The following GALNT2 variants were observed in gnomAD, a reference collection of about 807,000 sequenced individuals.
GALNT2 encodes UDP-GalNAc:polypeptide N-acetylgalactosaminyltransferase 2.
GALNT2 carries 31 observed loss-of-function variants against 81.4 expected under a neutral mutation model. The observed-to-expected ratio is 0.38, with a 90% CI of 0.29 to 0.51. GALNT2 has a LOEUF of 0.51. Ranked by LOEUF, GALNT2 falls within the 20% of genes least tolerant of loss-of-function variation. The pLI is 0.87. For synonymous variants in GALNT2, 303 were observed against 287.4 expected (o/e 1.05, Z -0.55); for missense variants, 629 against 765.7 (o/e 0.82, Z 2.11).
intron 15 of GALNT2, among the ~76,000 whole-genome samples, chr1:230,277,109 C>A (rs1004408355): frequency 7.9e-5 from 12 of 152,182 alleles, no homozygotes; most frequent in Non-Finnish European, 1.5e-4. Context: ...CTTTGTGAAG[C>A]ATGAAAAGAC....
chr1:230,274,595 T>A, intron 15 of GALNT2, 31 bp downstream of exon 15: 1 of 1,612,500 alleles, frequency 6.2e-7, no homozygotes, highest in Non-Finnish European at 8.5e-7. Flanking sequence ...TGGGTGCCCG[T>A]GATTAACCCA....
chr1:230,085,392 T>C (rs1659868875), intron 1 of GALNT2, among the ~76,000 whole-genome samples: 1 of 152,198 alleles, frequency 6.6e-6, no homozygotes, highest in Non-Finnish European at 1.5e-5. Context: ...TTGGGTTAAA[T>C]GAAGGTTGCC....
chr1:230,068,209 G>A (rs998605267), intron 1 of GALNT2, among the ~76,000 whole-genome samples: 1 of 152,244 alleles, frequency 6.6e-6, no homozygotes, highest in African/African-American at 2.4e-5. Flanking sequence ...TGATCTGGCT[G>A]TGGGGACCGT....
chr1:230,129,427 C>T (rs1661297342), intron 1 of GALNT2, among the ~76,000 whole-genome samples: 1 of 152,152 alleles, frequency 6.6e-6, no homozygotes, highest in Admixed American at 6.5e-5. Context: ...AAGTGATCCT[C>T]CCTCCTCAGC....
At chr1:230,200,011 C>T (rs924698187) in intron 2 of GALNT2, among the ~76,000 whole-genome samples, 3 of 151,796 alleles carry the variant, frequency 2.0e-5, no homozygotes, top group Admixed American at 1.3e-4. Flanking sequence ...GAGCACTTAG[C>T]TCAGTTTTTA....
intron 7 of GALNT2, among the ~76,000 whole-genome samples, 185 bp from the exon 8 acceptor site, chr1:230,245,878 G>A (rs1171514973): frequency 1.3e-5 from 2 of 152,138 alleles, no homozygotes; most frequent in East Asian, 1.9e-4. Context: ...GCACATCTGT[G>A]GATGGCCAAG....
At chr1:230,241,147 C>G (rs891830215) in intron 6 of GALNT2, among the ~76,000 whole-genome samples, 5 of 152,190 alleles carry the variant, frequency 3.3e-5, no homozygotes, top group African/African-American at 1.2e-4. Context: ...TTTATAATAG[C>G]TGCTTTTAAA....
At chr1:230,236,314 TA>T (rs1371739397) in intron 4 of GALNT2, 38 bp from the exon 5 acceptor site, 1 of 1,597,938 alleles carries the variant, frequency 6.3e-7, no homozygotes, top group African/African-American at 1.3e-5. Context: ...TTTATACCCC[TA>T]AAAGACCTAT....
At chr1:230,216,088 G>GA (rs1664383195) in intron 3 of GALNT2, among the ~76,000 whole-genome samples, 2 of 152,126 alleles carry the variant, frequency 1.3e-5, no homozygotes, top group South Asian at 4.1e-4. Context: ...ATTAGACCAG[G>GA]AAAAATGGAG....
intron 1 of GALNT2, among the ~76,000 whole-genome samples, chr1:230,153,810 G>A (rs926883776): frequency 1.3e-5 from 2 of 152,238 alleles, no homozygotes; most frequent in African/African-American, 4.8e-5. Context: ...GGCCTCGGGG[G>A]CCCCTGGTTG....
At chr1:230,264,972 CAAAAAAAAAAAA>C (rs67239229) in intron 13 of GALNT2, 2 of 170,862 alleles carry the variant, frequency 1.2e-5, no homozygotes, top group East Asian at 8.0e-5. Context: ...CCTTCCTTTC[CAAAAAAAAAAAA>C]AAAAAAAAAT....
At chr1:230,165,567 G>A (rs933621973) in intron 1 of GALNT2, among the ~76,000 whole-genome samples, 6 of 152,208 alleles carry the variant, frequency 3.9e-5, no homozygotes, top group Admixed American at 1.3e-4. Context: ...GTTGCTTTCC[G>A]ATAAGGTTTA....
At chr1:230,148,277 A>G (rs1661985197) in intron 1 of GALNT2, among the ~76,000 whole-genome samples, 1 of 152,226 alleles carries the variant, frequency 6.6e-6, no homozygotes, top group Admixed American at 6.5e-5. Context: ...GCCCTGTGGC[A>G]CTGCGTTATT....
intron 1 of GALNT2, among the ~76,000 whole-genome samples, chr1:230,156,229 GAGAA>G (rs796806949): frequency 1.2e-4 from 17 of 141,548 alleles, no homozygotes; most frequent in South Asian, 7.1e-4. Context: ...GAGAGAGAGA[GAGAA>G]AGAGAGAGAG....
intron 1 of GALNT2, among the ~76,000 whole-genome samples, chr1:230,078,220 A>G (rs1659621932): frequency 6.6e-6 from 1 of 152,214 alleles, no homozygotes; most frequent in South Asian, 2.1e-4. Flanking sequence ...TGGTTATATT[A>G]TTAAAAATCC....
intron 6 of GALNT2, among the ~76,000 whole-genome samples, chr1:230,240,723 C>G (rs1216018516): frequency 6.6e-6 from 1 of 151,316 alleles, no homozygotes; most frequent in South Asian, 2.1e-4. Flanking sequence ...TTATATTTAT[C>G]CTGCTTCAAG....
upstream of GALNT2, among the ~76,000 whole-genome samples, chr1:230,057,812 G>A (rs1330921824): frequency 2.0e-5 from 3 of 152,210 alleles, no homozygotes; most frequent in Non-Finnish European, 2.9e-5. Flanking sequence ...ACTGGCTACC[G>A]GAGGAGCTGC....
intron 1 of GALNT2, among the ~76,000 whole-genome samples, chr1:230,084,889 G>A (rs934764787): frequency 6.6e-6 from 1 of 152,182 alleles, no homozygotes; most frequent in Non-Finnish European, 1.5e-5. Context: ...GGGTGAACAT[G>A]GGATTAGGGG....
chr1:230,166,500 CCTG>C (rs1326344769), intron 1 of GALNT2, among the ~76,000 whole-genome samples: 1 of 152,212 alleles, frequency 6.6e-6, no homozygotes, highest in Non-Finnish European at 1.5e-5. Flanking sequence ...TTTTCAAATG[CCTG>C]CTTTATCAGT....
Sources: gnomAD v4.1 joint callset for allele counts (sites outside exome capture counted in the v4.1 genomes callset) on GRCh38, gnomAD v4.1.1 for gene constraint, MANE v1.5 for transcripts, NCBI Gene and HGNC (gene_info 2026-07-23, HGNC 2026-07-21) for gene names.